The following KIAA0753 variants were observed in gnomAD, a reference collection of about 807,000 sequenced individuals.
The protein encoded by KIAA0753 is KIAA0753, also known as protein moonraker.
KIAA0753 carries 114 observed loss-of-function variants against 116.9 expected under a neutral mutation model. The ratio of observed to expected loss-of-function variants is 0.98; its 90% CI spans 0.84 to 1.14. The LOEUF (loss-of-function observed/expected upper bound fraction) is 1.14. KIAA0753 is among the 50% of genes most tolerant of loss of function. KIAA0753 has a pLI of 0.00. For synonymous variants in KIAA0753, 405 were observed against 413.1 expected (o/e 0.98, Z 0.24); for missense variants, 1,156 against 1,172.4 (o/e 0.99, Z 0.20).
Position 6,628,159 on chromosome 17 carries a change from G to C in KIAA0753, c.676C>G (p.Leu226Val), listed in dbSNP as rs937466692. 3.7e-6 allele frequency: 6 copies of C among 1,614,072 alleles called. No individual in the cohort carries two copies. Among genetic ancestry groups the C allele is most frequent in the Middle Eastern group, 1.7e-4 (1 of 6,056 alleles). Residue 226 changes from leucine to valine, a missense_variant, in exon 3 of 19, where the codon CTG becomes GTG. Leu to Val is a conservative substitution (Grantham distance 32). Coordinates refer to ENST00000361413, the MANE Select transcript of KIAA0753 (RefSeq NM_014804.3). The part of the protein sequence containing the change: ...LLEVQRLQKE[L>V]SSCIHKIEEV... ...TCAATTTTGTGGATACAACTGCTCA[G>C]TTCTTTCTGGAGTCGCTGGACTTCT...
At chr17:6,600,554 AC>A in intron 12 of KIAA0753, 96 bp from the exon 13 acceptor site, 1 of 887,002 alleles carries the variant, frequency 1.1e-6, no homozygotes, top group Non-Finnish European at 1.8e-6. Context: ...AAATAAAATG[AC>A]CACGAGCTTC....
chr17:6,599,224 AC>A lies in KIAA0753; in HGVS notation c.2172+12del. On this transcript the variant is annotated intron_variant, in intron 14 of 18. Transcript: ENST00000361413. ...GCAATAATACCAGAATGCCAATATC[AC>A]ACAACGCATACCTCCTGTGCAGGCT... 1 of 1,598,784 alleles carries A rather than the reference AC, an allele frequency of 6.3e-7. No individual in the cohort carries two copies. Among genetic ancestry groups the A allele is most frequent in the South Asian group, 1.1e-5 (1 of 90,692 alleles).
intron 12 of KIAA0753, among the ~76,000 whole-genome samples, chr17:6,604,481 T>C (rs1970067642): frequency 6.6e-6 from 1 of 152,112 alleles, no homozygotes; most frequent in African/African-American, 2.4e-5. Context: ...GAACTACTGA[T>C]ACATGTGATG....
rs1264585927 is a variant in KIAA0753 at position 6,624,857 on chromosome 17, T to A, written c.723A>T (p.Arg241Ser). Residue 241 changes from arginine (R) to serine (S), a missense_variant, in exon 4 of 19, where the codon AGA becomes AGT. Arg to Ser is a moderately radical substitution (Grantham distance 110). Transcript: ENST00000361413. The part of the protein sequence containing the change: ...HKIEEVTKKD[R>S]LEEALDPDEE... ...CATCTGGATCCAAAGCTTCTTCTAG[T>A]CTATCTGAAAATATTAATAGTTTTC... 1 of 1,551,156 alleles carries A rather than the reference T, an allele frequency of 6.4e-7. No homozygotes were observed. Among genetic ancestry groups the A allele is most frequent in the African/African-American group, 1.4e-5 (1 of 73,324 alleles).
At chr17:6,584,731 G>A (rs1465059497) in intron 18 of KIAA0753, among the ~76,000 whole-genome samples, 1 of 152,194 alleles carries the variant, frequency 6.6e-6, no homozygotes, top group Non-Finnish European at 1.5e-5. Flanking sequence ...TAGAGTCTAA[G>A]TTTACTAAAA....
At chr17:6,595,460 G>A (rs1292500185) in intron 15 of KIAA0753, among the ~76,000 whole-genome samples, 1 of 151,994 alleles carries the variant, frequency 6.6e-6, no homozygotes, top group Non-Finnish European at 1.5e-5. Context: ...TCAAGACTGG[G>A]GTAAACTGCG....
At chr17:6,638,606 C>G (rs936056984) in intron 1 of KIAA0753, 2 of 154,160 alleles carry the variant, frequency 1.3e-5, no homozygotes, top group African/African-American at 4.8e-5. Flanking sequence ...TCTGGCTCCC[C>G]CACAGCCTGC....
chr17:6,595,658 C>A (rs1436285371), intron 15 of KIAA0753, among the ~76,000 whole-genome samples: 1 of 152,212 alleles, frequency 6.6e-6, no homozygotes, highest in Non-Finnish European at 1.5e-5. Flanking sequence ...ATGTCACTTA[C>A]TTCCTTATTG....
chr17:6,601,010 T>C (rs149910376), intron 12 of KIAA0753: 1 of 154,352 alleles, frequency 6.5e-6, no homozygotes, highest in East Asian at 1.9e-4. Context: ...GCTTCGGAGA[T>C]CAGACGAGAT....
At chr17:6,619,432 A>AC (rs1021049579) in intron 7 of KIAA0753, among the ~76,000 whole-genome samples, 3 of 151,144 alleles carry the variant, frequency 2.0e-5, no homozygotes, top group African/African-American at 7.3e-5. Context: ...TGTAAGTTCT[A>AC]CTTTTTTTTT....
At chr17:6,632,869 A>C (rs1972093850) in intron 2 of KIAA0753, among the ~76,000 whole-genome samples, 1 of 152,224 alleles carries the variant, frequency 6.6e-6, no homozygotes, top group African/African-American at 2.4e-5. Flanking sequence ...AAAAAAAATC[A>C]ATGTCACAAA....
In KIAA0753 at chr17:6,625,657, A is replaced by G. The variant is rs113310026; in HGVS notation, c.719-796T>C. Among the ~76,000 whole-genome samples, 673 of 146,286 alleles carry G rather than the reference A, an allele frequency of 4.6e-3. 3 individuals are homozygous for G. Among genetic ancestry groups the G allele is most frequent in the African/African-American group, 0.015 (605 of 40,450 alleles). On this transcript the variant is annotated intron_variant, in intron 3 of 18. Coordinates refer to ENST00000361413, the MANE Select transcript of KIAA0753 (RefSeq NM_014804.3). ...ACTCCAGCCTGGGTGACAAAATGAG[A>G]CTGTCTTAAAAAAGAGAAGAATTAA...
chr17:6,607,890 T>G (rs1970292717), intron 10 of KIAA0753, among the ~76,000 whole-genome samples: 1 of 152,216 alleles, frequency 6.6e-6, no homozygotes, highest in Non-Finnish European at 1.5e-5. Flanking sequence ...TTTCCATCCA[T>G]GAAGCCTAGA....
chr17:6,601,959 TA>T (rs1238146681), intron 12 of KIAA0753, among the ~76,000 whole-genome samples: 3 of 151,960 alleles, frequency 2.0e-5, no homozygotes, highest in Admixed American at 6.6e-5. Flanking sequence ...AATCAACACT[TA>T]AAAAAAATTC....
In KIAA0753 at chr17:6,596,185, G is replaced by A. The variant is rs374396279; in HGVS notation, c.2331C>T (p.Ile777=). The stretch of plus-strand genomic sequence containing the variant: ...CCATCTCTTCCATTCGGCGCATCAT[G>A]ATCTCCAGATCTGGGCTATCCTTGC... ...EDSKDSPDLE[I]MMRRMEEMEK... Residue 777 remains isoleucine (I), a synonymous_variant, in exon 15 of 19, where the codon ATC becomes ATT. Transcript: ENST00000361413. 3.1e-4 allele frequency: 507 copies of A among 1,613,864 alleles called. 7 individuals carry two copies. The South Asian group carries it at 5.3e-3, about 17-fold the overall frequency.
intron 3 of KIAA0753, among the ~76,000 whole-genome samples, chr17:6,626,911 T>C (rs957508398): frequency 1.3e-5 from 2 of 152,158 alleles, no homozygotes; most frequent in Admixed American, 6.5e-5. Flanking sequence ...GTGGCTTTGT[T>C]CCCCTGGTCG....
At chr17:6,634,887 CAG>C (rs1429300764) in intron 2 of KIAA0753, 122 bp downstream of exon 2, 4 of 675,098 alleles carry the variant, frequency 5.9e-6, no homozygotes, top group Non-Finnish European at 1.0e-5. Flanking sequence ...GGTAGAAAAA[CAG>C]AAAAAATTGT....
chr17:6,594,982 T>C lies in KIAA0753; in HGVS notation c.2430A>G (p.Glu810=). The part of the protein sequence containing the change: ...AYADPRLWMQ[E]ENNDQKISAI... Reference sequence around the variant, plus strand: ...TGGGGAAACACTCACCATTGTTTTCTTCCTGCATCCAAAGTCGAGGATCAG... The same window carrying C: ...TGGGGAAACACTCACCATTGTTTTCCTCCTGCATCCAAAGTCGAGGATCAG... The change falls in exon 16 of 19, where the codon GAA becomes GAG. Residue 810 remains glutamate, a synonymous_variant. Transcript: ENST00000361413. 1.9e-6 allele frequency: 3 copies of C among 1,610,422 alleles called. No homozygotes were observed. Among genetic ancestry groups the C allele is most frequent in the Non-Finnish European group, 2.5e-6 (3 of 1,176,972 alleles).
At chr17:6,587,052 T>C (rs565519630) in intron 18 of KIAA0753, among the ~76,000 whole-genome samples, 33 of 152,208 alleles carry the variant, frequency 2.2e-4, no homozygotes, top group African/African-American at 7.0e-4. Flanking sequence ...CTGGCCAACA[T>C]GGTGAAACCC....
Sources: gnomAD v4.1 joint callset for allele counts (sites outside exome capture counted in the v4.1 genomes callset) on GRCh38, gnomAD v4.1.1 for gene constraint, MANE v1.5 for transcripts, NCBI Gene and HGNC (gene_info 2026-07-23, HGNC 2026-07-21) for gene names.